The following AMBRA1 variants were observed in gnomAD, a reference collection of about 807,000 sequenced individuals.
The protein encoded by AMBRA1 is autophagy and beclin 1 regulator 1.
Under a neutral mutation model 125.4 loss-of-function variants are expected in AMBRA1, and 47 were observed. The observed-to-expected ratio is 0.37, with a 90% CI of 0.30 to 0.48. The LOEUF is 0.48. Among genes scored for constraint, AMBRA1 ranks in the 20% least tolerant of loss-of-function variants. The pLI, the probability that AMBRA1 is intolerant of heterozygous loss-of-function variation, is 0.99. For missense variants in AMBRA1, 1,331 were observed against 1,693.4 expected, an observed-to-expected ratio of 0.79 and a Z score of 3.76; for synonymous variants, 626 against 655.5, an observed-to-expected ratio of 0.95 and a Z score of 0.69.
chr11:46,396,437 G>C lies in AMBRA1; in HGVS notation c.*1013C>G, dbSNP rs1354603775. On this transcript the variant is annotated 3_prime_UTR_variant, in exon 18 of 18. Transcript: ENST00000683756. ...GCGAGGGGCATGTCATCATTTTAAT[G>C]ATGTGATCTTTGGTGTTTCCCTCAT... 6.6e-6 allele frequency: 1 copy of C among 152,546 alleles called. No individual in the cohort carries two copies. Among genetic ancestry groups the C allele is most frequent in the Non-Finnish European group, 1.5e-5 (1 of 68,020 alleles). The allele number at this position is 152,546 out of a possible 1,614,324, so 9.4% of individuals were successfully genotyped here. A position where few individuals can be genotyped will look rare whatever the true frequency, so the allele number is the denominator to read the frequency against.
At chr11:46,549,406 G>A (rs961104773) in intron 1 of AMBRA1, among the ~76,000 whole-genome samples, 1 of 152,138 alleles carries the variant, frequency 6.6e-6, no homozygotes, top group Non-Finnish European at 1.5e-5. Context: ...CTAGACTCAA[G>A]AATTGTCAAT....
intron 11 of AMBRA1, among the ~76,000 whole-genome samples, chr11:46,476,961 T>C (rs1949838807): frequency 6.6e-6 from 1 of 151,860 alleles, no homozygotes; most frequent in Non-Finnish European, 1.5e-5. Flanking sequence ...ACAAAAAAAT[T>C]AGTTGGGCAT....
At chr11:46,575,675 C>T (rs187287599) in intron 1 of AMBRA1, among the ~76,000 whole-genome samples, 18 of 152,084 alleles carry the variant, frequency 1.2e-4, no homozygotes, top group African/African-American at 4.3e-4. Flanking sequence ...CGCCACCACG[C>T]CCAACTAATT....
intron 11 of AMBRA1, among the ~76,000 whole-genome samples, chr11:46,482,812 C>T (rs1950124980): frequency 6.6e-6 from 1 of 151,908 alleles, no homozygotes; most frequent in South Asian, 2.1e-4. Flanking sequence ...AGTTTGAAAC[C>T]AGCCTGGCCA....
chr11:46,479,993 G>C (rs1163755293), intron 11 of AMBRA1, among the ~76,000 whole-genome samples: 1 of 152,118 alleles, frequency 6.6e-6, no homozygotes, highest in African/African-American at 2.4e-5. Context: ...GTCCATTTCG[G>C]TTGCTGGCAG....
intron 1 of AMBRA1, among the ~76,000 whole-genome samples, chr11:46,562,903 C>T (rs1015185764): frequency 1.3e-5 from 2 of 151,588 alleles, no homozygotes; most frequent in Non-Finnish European, 2.9e-5. Context: ...CAGGTTCAAG[C>T]GATTCTTCTA....
At chr11:46,442,220 G>A (rs1344365132) in intron 12 of AMBRA1, among the ~76,000 whole-genome samples, 1 of 151,450 alleles carries the variant, frequency 6.6e-6, no homozygotes, top group Non-Finnish European at 1.5e-5. Context: ...TTGGCTCACT[G>A]CAACCTCTGC....
At chr11:46,499,167 C>G (rs937452874) in intron 9 of AMBRA1, among the ~76,000 whole-genome samples, 4 of 152,192 alleles carry the variant, frequency 2.6e-5, no homozygotes, top group Non-Finnish European at 5.9e-5. Context: ...ACAAATTCCT[C>G]TCCTCCCTTA....
chr11:46,477,662 T>C (rs763058376), intron 11 of AMBRA1, among the ~76,000 whole-genome samples: 2 of 151,386 alleles, frequency 1.3e-5, no homozygotes, highest in Non-Finnish European at 1.5e-5. Context: ...TTATTGTACA[T>C]AGGCTATACC....
At position 46,406,526 on chromosome 11, in the gene AMBRA1, C is replaced by A. The variant is rs182304105; in HGVS notation, c.3403+1987G>T. Among the ~76,000 whole-genome samples the A allele has an allele frequency of 2.6e-5, 4 of 151,526 alleles. No homozygotes were observed. The East Asian group carries it at 7.9e-4, about 30-fold the overall frequency. ...ACCCCATCTCAAAAACAAAACAAAA[C>A]AAACAACACTCTCTTCCAGTGACTG... On this transcript the variant is annotated intron_variant, in intron 17 of 17. Coordinates refer to ENST00000683756, the MANE Select transcript of AMBRA1 (RefSeq NM_001387011.1).
intron 1 of AMBRA1, among the ~76,000 whole-genome samples, chr11:46,586,030 C>T (rs2044387591): frequency 6.6e-6 from 1 of 151,858 alleles, no homozygotes; most frequent in Non-Finnish European, 1.5e-5. Context: ...TCATGAACTC[C>T]CAACCTCAGG....
intron 11 of AMBRA1, among the ~76,000 whole-genome samples, chr11:46,482,463 A>ATT (rs1253669816): frequency 1.2e-4 from 18 of 152,206 alleles, no homozygotes; most frequent in African/African-American, 4.3e-4. Context: ...CACTGGCACT[A>ATT]ACTATATCAA....
At chr11:46,577,869 G>C (rs1211734902) in intron 1 of AMBRA1, among the ~76,000 whole-genome samples, 2 of 152,004 alleles carry the variant, frequency 1.3e-5, no homozygotes, top group Non-Finnish European at 1.5e-5. Flanking sequence ...AGAATCACTT[G>C]AACCCAGGAG....
intron 11 of AMBRA1, among the ~76,000 whole-genome samples, chr11:46,465,301 T>C (rs1424115520): frequency 6.6e-6 from 1 of 152,200 alleles, no homozygotes; most frequent in African/African-American, 2.4e-5. Flanking sequence ...TGGCCTTGTG[T>C]TGTGTGGCAT....
rs185255577 is a variant in AMBRA1 at position 46,401,910 on chromosome 11, A to C, written c.3404-3967T>G. On this transcript the variant is annotated intron_variant, in intron 17 of 17. Transcript: ENST00000683756. ...AGTAGTCAAAACTCCTTAGCTTGACATTTGAGGGCTCTCTGGCCAGACCCT... is the reference window on the plus strand; with the variant it reads ...AGTAGTCAAAACTCCTTAGCTTGACCTTTGAGGGCTCTCTGGCCAGACCCT... Among the ~76,000 whole-genome samples the C allele has an allele frequency of 2.8e-3, 421 of 152,294 alleles. 1 individual carries two copies. The highest frequency in any genetic ancestry group is 1.0e-2 in the African/African-American group (414 of 41,566).
At position 46,494,222 on chromosome 11, in the gene AMBRA1, A is replaced by T. The variant is rs991493394; in HGVS notation, c.2340-18T>A. ...CATTGTCCCTGAAAAAAATAAAAAC[A>T]CTACACATAAGAGAGTCACTAAGGA... On this transcript the variant is annotated intron_variant, in intron 9 of 17. Transcript: ENST00000683756. 2 of 1,578,608 alleles carry T rather than the reference A, an allele frequency of 1.3e-6. No homozygotes were observed. Among genetic ancestry groups the T allele is most frequent in the African/African-American group, 2.7e-5 (2 of 74,510 alleles).
At chr11:46,592,205 G>C (rs896343992) in intron 1 of AMBRA1, among the ~76,000 whole-genome samples, 10 of 151,874 alleles carry the variant, frequency 6.6e-5, no homozygotes, top group Non-Finnish European at 1.0e-4. Context: ...AAAGTGCTGG[G>C]ATTACAGGAG....
chr11:46,402,020 TACACTGTGC>T (rs1433781409), intron 17 of AMBRA1, among the ~76,000 whole-genome samples: 1 of 152,190 alleles, frequency 6.6e-6, no homozygotes, highest in Non-Finnish European at 1.5e-5. Context: ...CAGATGGGCA[TACACTGTGC>T]ACACTGTGCC....
In AMBRA1 at chr11:46,542,410, T is replaced by C; in HGVS notation, c.1607A>G (p.Asn536Ser). 1 of 1,614,130 alleles carries C rather than the reference T, an allele frequency of 6.2e-7. No individual in the cohort carries two copies. The highest frequency in any genetic ancestry group is 1.1e-5 in the South Asian group (1 of 91,072). The change falls in exon 7 of 18, where the codon AAT becomes AGT. Residue 536 changes from asparagine to serine, a missense_variant. By Grantham distance (46) the Asn-to-Ser change is conservative. Coordinates refer to ENST00000683756, the MANE Select transcript of AMBRA1 (RefSeq NM_001387011.1). The surrounding 1 kb of genome is among the most constrained non-coding windows in gnomAD (Gnocchi z 5.9). ...QTQQAQEMLN[N>S]NIESERPGPS... The stretch of plus-strand genomic sequence containing the variant: ...GCCTGGCCTCTCAGATTCAATGTTA[T>C]TGTTGAGCATTTCCTGGGCCTGTTG...
Sources: gnomAD v4.1 joint callset for allele counts (sites outside exome capture counted in the v4.1 genomes callset) on GRCh38, gnomAD v4.1.1 for gene constraint, Gnocchi (gnomAD v3.1) non-coding constraint, MANE v1.5 for transcripts, NCBI Gene and HGNC (gene_info 2026-07-23, HGNC 2026-07-21) for gene names.